The following SIAH3 variants were observed in gnomAD, a reference collection of about 807,000 sequenced individuals.
SIAH3 encodes the protein siah E3 ubiquitin protein ligase family member 3.
Under a neutral mutation model 12.6 loss-of-function variants are expected in SIAH3, and 9 were observed. The observed-to-expected ratio is 0.72, with a 90% confidence interval of 0.43 to 1.25. The LOEUF (loss-of-function observed/expected upper bound fraction) is 1.25. SIAH3 is among the 50% of genes most tolerant of loss of function. The pLI is 0.00. For synonymous variants in SIAH3, 154 were observed against 151.1 expected, an observed-to-expected ratio of 1.02 and a Z score of -0.14; for missense variants, 390 against 365.4, an observed-to-expected ratio of 1.07 and a Z score of -0.55.
At chr13:45,815,129 T>C (rs1950629916) in intron 1 of SIAH3, among the ~76,000 whole-genome samples, 1 of 151,940 alleles carries the variant, frequency 6.6e-6, no homozygotes, top group Admixed American at 6.6e-5. Flanking sequence ...TTCCAGCTCT[T>C]GCTAGAGAGG....
intron 1 of SIAH3, among the ~76,000 whole-genome samples, chr13:45,804,490 T>G (rs80024833): frequency 0.027 from 4,173 of 152,214 alleles, 195 homozygotes; most frequent in African/African-American, 0.095. Flanking sequence ...TAAAATTAGA[T>G]AGCGGTAATG....
intron 1 of SIAH3, among the ~76,000 whole-genome samples, chr13:45,797,087 T>G (rs1950565394): frequency 6.6e-6 from 1 of 152,100 alleles, no homozygotes; most frequent in South Asian, 2.1e-4. Flanking sequence ...AGTTTATTAG[T>G]GTCTGCTAAG....
chr13:45,841,827 G>A (rs190641144), intron 1 of SIAH3, among the ~76,000 whole-genome samples: 7 of 152,280 alleles, frequency 4.6e-5, no homozygotes, highest in Admixed American at 3.3e-4. Context: ...TTGTGCCAGC[G>A]CTAGAGACAC....
intron 1 of SIAH3, among the ~76,000 whole-genome samples, chr13:45,824,374 C>A (rs1456767987): frequency 6.6e-6 from 1 of 152,190 alleles, no homozygotes; most frequent in Non-Finnish European, 1.5e-5. Context: ...GGACCTGCCC[C>A]CCTTGCTGCT....
At chr13:45,798,344 G>A (rs756615472) in intron 1 of SIAH3, among the ~76,000 whole-genome samples, 1 of 152,104 alleles carries the variant, frequency 6.6e-6, no homozygotes, top group South Asian at 2.1e-4. Context: ...AATCAATCAC[G>A]CAACGAATAT....
intron 1 of SIAH3, among the ~76,000 whole-genome samples, chr13:45,798,021 T>C (rs539477444): frequency 2.6e-4 from 40 of 152,260 alleles, no homozygotes; most frequent in African/African-American, 9.1e-4. Flanking sequence ...AGGACTTCAC[T>C]GGGGGCAGAG....
intron 1 of SIAH3, among the ~76,000 whole-genome samples, chr13:45,844,867 G>T (rs1444507598): frequency 6.6e-6 from 1 of 152,202 alleles, no homozygotes; most frequent in Non-Finnish European, 1.5e-5. Context: ...CTGGTGCTGT[G>T]TTAGCAGAAA....
At chr13:45,821,722 C>T (rs1439829495) in intron 1 of SIAH3, among the ~76,000 whole-genome samples, 2 of 152,170 alleles carry the variant, frequency 1.3e-5, no homozygotes, top group Admixed American at 6.5e-5. Flanking sequence ...CTAGACATGG[C>T]CCCTAGGAAA....
At chr13:45,791,162 CAAAGAAAAAAAA>C (rs954102123) in intron 1 of SIAH3, among the ~76,000 whole-genome samples, 1 of 143,250 alleles carries the variant, frequency 7.0e-6, no homozygotes, top group Non-Finnish European at 1.5e-5. Flanking sequence ...GACCCTGTCT[CAAAGAAAAAAAA>C]AAAGAAAAAA....
chr13:45,821,997 T>G (rs999775233), intron 1 of SIAH3, among the ~76,000 whole-genome samples: 3 of 152,206 alleles, frequency 2.0e-5, no homozygotes, highest in African/African-American at 7.2e-5. Flanking sequence ...TAGGGAATGC[T>G]TCACACCTGT....
At chr13:45,844,718 G>A (rs537309121) in intron 1 of SIAH3, among the ~76,000 whole-genome samples, 2 of 152,286 alleles carry the variant, frequency 1.3e-5, no homozygotes, top group East Asian at 1.9e-4. Context: ...TGAGGAAGCC[G>A]AATATCATTC....
chr13:45,817,712 G>C (rs1950639493), intron 1 of SIAH3, among the ~76,000 whole-genome samples: 1 of 152,218 alleles, frequency 6.6e-6, no homozygotes, highest in African/African-American at 2.4e-5. Flanking sequence ...GCCACCCAAA[G>C]CTGGAAGAGG....
Position 45,783,219 on chromosome 13 carries a change from A to G in SIAH3, c.*164T>C. The G allele has an allele frequency of 2.3e-6, 1 of 433,536 alleles. No homozygotes were observed. Among genetic ancestry groups the G allele is most frequent in the Non-Finnish European group, 3.9e-6 (1 of 259,658 alleles). 26.9% of individuals were successfully genotyped at this position (433,536 alleles called of 1,614,324 possible). On this transcript the variant is annotated 3_prime_UTR_variant, in exon 2 of 2. Coordinates refer to ENST00000400405, the MANE Select transcript of SIAH3 (RefSeq NM_198849.3). ...TAATATAATGCCCATGGCAGACAAA[A>G]ACTAAATCTCACAAAGTACCTGAGA... is the stretch of plus-strand genomic sequence containing the variant.
At chr13:45,793,481 T>A (rs151058154) in intron 1 of SIAH3, among the ~76,000 whole-genome samples, 3 of 152,176 alleles carry the variant, frequency 2.0e-5, no homozygotes, top group Non-Finnish European at 4.4e-5. Flanking sequence ...CCTTATAACA[T>A]GCAACAAACT....
At chr13:45,844,399 C>T (rs958337992) in intron 1 of SIAH3, among the ~76,000 whole-genome samples, 1 of 152,242 alleles carries the variant, frequency 6.6e-6, no homozygotes, top group South Asian at 2.1e-4. Flanking sequence ...GGACAGATCT[C>T]TTCTGCTGCC....
chr13:45,805,660 G>A (rs1167457073), intron 1 of SIAH3, among the ~76,000 whole-genome samples: 1 of 152,082 alleles, frequency 6.6e-6, no homozygotes, highest in Non-Finnish European at 1.5e-5. Context: ...TCTGGACAGT[G>A]GCCTTGGCAA....
At position 45,783,513 on chromosome 13, in the gene SIAH3, G is replaced by A. The variant is rs1325336463; in HGVS notation, c.680C>T (p.Ser227Leu). Residue 227 changes from serine (S) to leucine (L), a missense_variant, in exon 2 of 2, where the codon TCG becomes TTG. Ser to Leu is a moderately radical substitution (Grantham distance 145, BLOSUM62 -2). Coordinates refer to ENST00000400405, the MANE Select transcript of SIAH3 (RefSeq NM_198849.3). ...GAGGCAGTCCCCGTCCGTAATCACC[G>A]AGTCCACGCACTCAAGAACAGACCG... ...TPRSVLECVD[S>L]VITDGDCLVL... 1 of 1,614,170 alleles carries A rather than the reference G, an allele frequency of 6.2e-7. No homozygotes were observed. The highest frequency in any genetic ancestry group is 8.5e-7 in the Non-Finnish European group (1 of 1,180,034).
chr13:45,794,401 T>C (rs1008862650), intron 1 of SIAH3, among the ~76,000 whole-genome samples: 4 of 152,206 alleles, frequency 2.6e-5, no homozygotes, highest in Non-Finnish European at 5.9e-5. Context: ...CAAGAAGGCA[T>C]AAGTGGTAGA....
intron 1 of SIAH3, among the ~76,000 whole-genome samples, chr13:45,802,027 G>A (rs867533867): frequency 2.6e-5 from 4 of 152,190 alleles, no homozygotes; most frequent in Non-Finnish European, 5.9e-5. Flanking sequence ...GTTTGGGGCC[G>A]GGCGTGGTGG....
Sources: gnomAD v4.1 joint callset for allele counts (sites outside exome capture counted in the v4.1 genomes callset) on GRCh38, gnomAD v4.1.1 for gene constraint, MANE v1.5 for transcripts, NCBI Gene and HGNC (gene_info 2026-07-23, HGNC 2026-07-21) for gene names.